SHISA9: variants seen among roughly 807,000 people sequenced by gnomAD.
SHISA9 encodes the protein shisa family member 9, also known as protein shisa-9.
In SHISA9, 13 loss-of-function variants were observed where a neutral mutation model predicts 38.0. The observed-to-expected ratio is 0.34, with a 90% confidence interval of 0.22 to 0.54. The LOEUF (loss-of-function observed/expected upper bound fraction) is 0.54, where lower values mean the gene tolerates loss of function less well. SHISA9 is among the 20% of genes least tolerant of loss of function. SHISA9 has a pLI of 0.91. For synonymous variants in SHISA9, 275 were observed against 242.0 expected (o/e 1.14, Z -1.27); for missense variants, 538 against 575.8 (o/e 0.93, Z 0.67).
At chr16:13,169,145 C>T (rs1185407990) in intron 2 of SHISA9, among the ~76,000 whole-genome samples, 1 of 152,162 alleles carries the variant, frequency 6.6e-6, no homozygotes, top group Non-Finnish European at 1.5e-5. Flanking sequence ...TTGGCCATTT[C>T]CTTTGTCTTA....
intron 2 of SHISA9, among the ~76,000 whole-genome samples, chr16:12,942,507 C>T (rs1203992576): frequency 6.6e-6 from 1 of 152,200 alleles, no homozygotes; most frequent in Non-Finnish European, 1.5e-5. Context: ...CCTTATACAT[C>T]CCATTATTGA....
At chr16:13,300,961 T>C in the SHISA9 span, among the ~76,000 whole-genome samples, 1 of 151,970 alleles carries the variant, frequency 6.6e-6, no homozygotes, top group Non-Finnish European at 1.5e-5. Context: ...TTCTCTTCTC[T>C]CTTTCACTCT....
intron 3 of SHISA9, among the ~76,000 whole-genome samples, chr16:13,206,655 A>G (rs577938959): frequency 1.3e-5 from 2 of 152,362 alleles, no homozygotes; most frequent in African/African-American, 4.8e-5. Flanking sequence ...AGCCAAATTT[A>G]TAATACCAAG....
chr16:13,447,290 G>A, the SHISA9 span, among the ~76,000 whole-genome samples: 5 of 152,298 alleles, frequency 3.3e-5, no homozygotes, highest in East Asian at 1.9e-4. Context: ...AGGAACAACA[G>A]GGGGGTTCCT....
intron 1 of SHISA9, chr16:12,909,496 G>C: frequency 1.0e-6 from 1 of 985,442 alleles, no homozygotes; most frequent in Non-Finnish European, 1.2e-6. Context: ...GGAAATATTG[G>C]TGTCATATAT....
chr16:13,077,613 C>G lies in SHISA9; in HGVS notation c.692-125781C>G, dbSNP rs1567204561. Reference sequence around the variant, plus strand: ...AAGCCTCTAGTACATTTTCTCTGCCCAGGTGAGAAGTAGTAGCCTGCTCCA... The same window carrying G: ...AAGCCTCTAGTACATTTTCTCTGCCGAGGTGAGAAGTAGTAGCCTGCTCCA... On this transcript the variant is annotated intron_variant, in intron 2 of 4. Transcript: ENST00000558583. Among the ~76,000 whole-genome samples, 4 of 152,134 alleles carry G rather than the reference C, an allele frequency of 2.6e-5. No individual in the cohort carries two copies. The South Asian group carries it at 8.3e-4, about 32-fold the overall frequency.
chr16:13,141,557 G>A (rs1345280216), intron 2 of SHISA9, among the ~76,000 whole-genome samples: 3 of 151,874 alleles, frequency 2.0e-5, no homozygotes, highest in Non-Finnish European at 4.4e-5. Flanking sequence ...GGTGGTACGT[G>A]CCTGTAGTCC....
At chr16:13,472,182 A>C in the SHISA9 span, among the ~76,000 whole-genome samples, 2 of 152,126 alleles carry the variant, frequency 1.3e-5, no homozygotes, top group Admixed American at 6.5e-5. Flanking sequence ...TAATTGAAGC[A>C]ATGTCACCCA....
the SHISA9 span, among the ~76,000 whole-genome samples, chr16:13,341,807 C>G: frequency 2.0e-5 from 3 of 152,152 alleles, 1 homozygote; most frequent in Non-Finnish European, 1.5e-5. Flanking sequence ...CCTATCTATA[C>G]GTAGCAGAGA....
intron 2 of SHISA9, among the ~76,000 whole-genome samples, chr16:13,154,306 C>T (rs1252269744): frequency 1.3e-5 from 2 of 152,142 alleles, no homozygotes; most frequent in Non-Finnish European, 2.9e-5. Flanking sequence ...AGAGAATTTC[C>T]CTGCTCTTTG....
intron 2 of SHISA9, among the ~76,000 whole-genome samples, chr16:13,127,268 GGGAGGGAGGGAGAGAAAGAGAT>G (rs1429921775): frequency 1.1e-4 from 16 of 140,534 alleles, no homozygotes; most frequent in Non-Finnish European, 3.1e-5. Flanking sequence ...AGGTGGGAGA[GGGAGGGAGGGAGAGAAAGAGAT>G]GGAGGGAGAG....
At chr16:12,960,932 C>G (rs975888058) in intron 2 of SHISA9, among the ~76,000 whole-genome samples, 1 of 152,052 alleles carries the variant, frequency 6.6e-6, no homozygotes, top group African/African-American at 2.4e-5. Flanking sequence ...GTTTCCTGCT[C>G]TCACAAGGCT....
intron 2 of SHISA9, among the ~76,000 whole-genome samples, chr16:13,027,660 C>T (rs1475737475): frequency 2.0e-5 from 3 of 151,928 alleles, no homozygotes; most frequent in Non-Finnish European, 4.4e-5. Context: ...ATCTCAAAAG[C>T]AGGCACTGAA....
At chr16:13,398,386 C>T in the SHISA9 span, among the ~76,000 whole-genome samples, 2 of 152,116 alleles carry the variant, frequency 1.3e-5, no homozygotes, top group African/African-American at 4.8e-5. Flanking sequence ...GTTGATACTC[C>T]TAACCCCCGA....
At chr16:13,548,606 A>G in the SHISA9 span, among the ~76,000 whole-genome samples, 2 of 152,230 alleles carry the variant, frequency 1.3e-5, no homozygotes, top group Admixed American at 6.5e-5. Context: ...ATACTTTTTT[A>G]GATGCTCAAC....
At chr16:13,128,115 A>C (rs1235534798) in intron 2 of SHISA9, among the ~76,000 whole-genome samples, 1 of 152,148 alleles carries the variant, frequency 6.6e-6, no homozygotes, top group Non-Finnish European at 1.5e-5. Flanking sequence ...TTTGGTGTAT[A>C]CTGGCTGGCC....
intron 2 of SHISA9, among the ~76,000 whole-genome samples, chr16:12,995,992 G>A (rs1267587462): frequency 6.6e-6 from 1 of 152,110 alleles, no homozygotes; most frequent in African/African-American, 2.4e-5. Flanking sequence ...TAATTCCCTG[G>A]AAATTGAAGG....
chr16:12,935,632 G>C (rs1203912015), intron 2 of SHISA9, among the ~76,000 whole-genome samples: 3 of 152,000 alleles, frequency 2.0e-5, no homozygotes, highest in Admixed American at 2.0e-4. Context: ...TGGATCACTT[G>C]AGCTCAGGGG....
the SHISA9 span, among the ~76,000 whole-genome samples, chr16:13,513,280 G>A: frequency 6.6e-6 from 1 of 152,172 alleles, no homozygotes; most frequent in Non-Finnish European, 1.5e-5. Context: ...CTGATCATTA[G>A]AGAAATGCAA....
Sources: gnomAD v4.1 joint callset for allele counts (sites outside exome capture counted in the v4.1 genomes callset) on GRCh38, gnomAD v4.1.1 for gene constraint, MANE v1.5 for transcripts, NCBI Gene and HGNC (gene_info 2026-07-23, HGNC 2026-07-21) for gene names.